The following COQ8B variants were observed in gnomAD, a reference collection of about 807,000 sequenced individuals.
COQ8B encodes the protein coenzyme Q8B, also known as atypical kinase COQ8B, mitochondrial.
COQ8B carries 44 observed loss-of-function variants against 62.0 expected under a neutral mutation model. The observed-to-expected ratio is 0.71, with a 90% CI of 0.56 to 0.91. COQ8B has a LOEUF of 0.91. COQ8B is among the 40% of genes least tolerant of loss of function. The probability of loss-of-function intolerance (pLI) is 0.00; values close to 1 mark genes in which losing one functional copy is unlikely to be tolerated. For synonymous variants in COQ8B, 252 were observed against 289.9 expected (o/e 0.87, Z 1.33); for missense variants, 649 against 731.6 (o/e 0.89, Z 1.30).
chr19:40,693,891 C>T (rs2081993442), intron 13 of COQ8B, among the ~76,000 whole-genome samples: 1 of 152,188 alleles, frequency 6.6e-6, no homozygotes, highest in Non-Finnish European at 1.5e-5. Flanking sequence ...CCACTCACTA[C>T]TGGGTTGCCC....
At chr19:40,699,125 C>CT (rs573613673) in intron 12 of COQ8B, among the ~76,000 whole-genome samples, 212 of 144,502 alleles carry the variant, frequency 1.5e-3, no homozygotes, top group Admixed American at 1.5e-3. Context: ...CTGGTCTCAG[C>CT]TTTTTTTTTT....
At chr19:40,714,758 A>G (rs752997981) in intron 1 of COQ8B, 123 bp from the exon 2 acceptor site, 39 of 1,291,116 alleles carry the variant, frequency 3.0e-5, no homozygotes, top group African/African-American at 4.6e-5. Flanking sequence ...CACTATTAAT[A>G]GATTCCCACA....
intron 10 of COQ8B, chr19:40,701,084 T>C (rs945448060): frequency 6.6e-6 from 1 of 152,288 alleles, no homozygotes; most frequent in African/African-American, 2.4e-5. Flanking sequence ...TCCCAGCAGT[T>C]TGAGACACCG....
At chr19:40,699,591 T>C (rs1243991181) in intron 12 of COQ8B, among the ~76,000 whole-genome samples, 1 of 152,164 alleles carries the variant, frequency 6.6e-6, no homozygotes, top group Admixed American at 6.5e-5. Flanking sequence ...ATGACGAGTG[T>C]GGTAGTGATG....
chr19:40,713,624 G>A (rs531687907), intron 4 of COQ8B, among the ~76,000 whole-genome samples: 6 of 151,450 alleles, frequency 4.0e-5, no homozygotes, highest in African/African-American at 1.2e-4. Context: ...GCTGTGGCAG[G>A]AGAATTGCTT....
Position 40,691,982 on chromosome 19 carries a change from G to C in COQ8B, c.*53C>G. The C allele has an allele frequency of 6.8e-7, 1 of 1,478,150 alleles. No homozygotes were observed. Among genetic ancestry groups the C allele is most frequent in the Non-Finnish European group, 9.1e-7 (1 of 1,103,176 alleles). The allele number at this position is 1,478,150 out of a possible 1,614,324, so 91.6% of individuals were successfully genotyped here. On this transcript the variant is annotated 3_prime_UTR_variant, in exon 15 of 15. Transcript: ENST00000324464. Reference sequence around the variant, plus strand: ...AGGGCAGACGGGGAAGGGATAAGAGGCACTACAGCAGGGTACGGCCTGCTC... The same window carrying C: ...AGGGCAGACGGGGAAGGGATAAGAGCCACTACAGCAGGGTACGGCCTGCTC...
At chr19:40,696,114 T>G in intron 12 of COQ8B, 60 bp from the exon 13 acceptor site, 1 of 1,569,574 alleles carries the variant, frequency 6.4e-7, no homozygotes, top group South Asian at 1.1e-5. Flanking sequence ...CACTGTCTAT[T>G]GGGGCAGCCA....
At chr19:40,694,441 C>T (rs983539036) in intron 13 of COQ8B, among the ~76,000 whole-genome samples, 5 of 152,210 alleles carry the variant, frequency 3.3e-5, no homozygotes, top group African/African-American at 1.2e-4. Flanking sequence ...CTCTAAAATC[C>T]GCAGTGATTT....
intron 4 of COQ8B, among the ~76,000 whole-genome samples, chr19:40,711,787 C>T (rs1254291564): frequency 6.6e-6 from 1 of 152,194 alleles, no homozygotes; most frequent in African/African-American, 2.4e-5. Context: ...TGTGCACTTA[C>T]TAATTTTTGT....
chr19:40,707,338 A>T (rs2082108366), intron 5 of COQ8B, among the ~76,000 whole-genome samples: 1 of 151,280 alleles, frequency 6.6e-6, no homozygotes, highest in Non-Finnish European at 1.5e-5. Context: ...CAATCTCCCC[A>T]GGCCTTGACA....
intron 13 of COQ8B, among the ~76,000 whole-genome samples, chr19:40,693,740 G>A (rs889100035): frequency 6.6e-6 from 1 of 152,202 alleles, no homozygotes; most frequent in Non-Finnish European, 1.5e-5. Context: ...AGAAGGTGAT[G>A]CCTGTGGCCT....
In COQ8B at chr19:40,700,353, G is replaced by T. The variant is rs2082051817; in HGVS notation, c.992C>A (p.Pro331His). The change falls in exon 11 of 15, where the codon CCC becomes CAC. Residue 331 changes from proline (P) to histidine (H), a missense_variant. Coordinates refer to ENST00000324464, the MANE Select transcript of COQ8B (RefSeq NM_024876.4). ...VLGMELAGGV[P>H]LDQCQGLSQD... ...GCTTAGGCCCTGGCACTGGTCCAGG[G>T]GGACCCCTCCAGCCAGCTCCATGCC... The T allele has an allele frequency of 6.2e-7, 1 of 1,614,080 alleles. No individual in the cohort carries two copies.
At chr19:40,698,473 G>A (rs960640127) in intron 12 of COQ8B, among the ~76,000 whole-genome samples, 1 of 151,932 alleles carries the variant, frequency 6.6e-6, no homozygotes, top group African/African-American at 2.4e-5. Context: ...CAGAGGCAGA[G>A]GCTTCAGTGA....
chr19:40,709,852 A>C (rs562287804), intron 5 of COQ8B, among the ~76,000 whole-genome samples: 8 of 152,316 alleles, frequency 5.3e-5, no homozygotes. Flanking sequence ...AAATTAAAAA[A>C]AAAAAATCTA....
intron 7 of COQ8B, 122 bp from the exon 8 acceptor site, chr19:40,703,977 C>T: frequency 1.6e-6 from 2 of 1,285,016 alleles, no homozygotes; most frequent in African/African-American, 1.5e-5. Context: ...CTCTTGGCTG[C>T]CACCCCCTTT....
chr19:40,713,943 T>G, intron 4 of COQ8B, 124 bp downstream of exon 4: 1 of 1,059,390 alleles, frequency 9.4e-7, no homozygotes, highest in Non-Finnish European at 1.4e-6. Flanking sequence ...GGCCCTTGCC[T>G]TTGTCTCTCT....
In COQ8B at chr19:40,714,352, GC is replaced by G. The variant is rs1188675632; in HGVS notation, c.147del (p.Pro50LeufsTer26). 2 of 1,614,096 alleles carry G rather than the reference GC, an allele frequency of 1.2e-6. No homozygotes were observed. The highest frequency in any genetic ancestry group is 1.1e-5 in the South Asian group (1 of 91,060). ...TCCTCCTCACCCAGGCCTCTCCCAG[GC>G]CCATCCTGGTAAAACTTTTGGGCCC... Reference protein sequence around the residue: ...GSWAQKFYQDGPGRGLGEEDI... With the variant: ...GSWAQKFYQDXPGRGLGEEDI... On this transcript the variant is annotated frameshift_variant, in exon 3 of 15. Coordinates refer to ENST00000324464, the MANE Select transcript of COQ8B (RefSeq NM_024876.4). LOFTEE classifies it high-confidence loss of function.
At chr19:40,697,356 C>T (rs1389616630) in intron 12 of COQ8B, among the ~76,000 whole-genome samples, 1 of 152,142 alleles carries the variant, frequency 6.6e-6, no homozygotes, top group Non-Finnish European at 1.5e-5. Context: ...TCCAGTGATC[C>T]TCCCACCTCA....
chr19:40,695,990 T>A lies in COQ8B; in HGVS notation c.1208A>T (p.Glu403Val). The A allele has an allele frequency of 2.5e-6, 4 of 1,614,178 alleles. No individual in the cohort carries two copies. The highest frequency in any genetic ancestry group is 1.1e-5 in the South Asian group (1 of 91,082). Reference sequence around the variant, plus strand: ...CCCTGGGGTCTGGGGGAGACTCACCTCGATGTAATGGTCTGTGAACTCTGT... The same window carrying A: ...CCCTGGGGTCTGGGGGAGACTCACCACGATGTAATGGTCTGTGAACTCTGT... ...FGTEFTDHYI[E>V]VVKAAADGDR... Residue 403 changes from glutamate to valine, a missense_variant and splice_region_variant, in exon 13 of 15, where the codon GAG becomes GTG. Transcript: ENST00000324464.
Sources: allele counts gnomAD v4.1 joint callset (sites outside exome capture counted in the v4.1 genomes callset), GRCh38; gene constraint gnomAD v4.1.1; transcripts MANE v1.5; gene names NCBI Gene and HGNC (gene_info 2026-07-23, HGNC 2026-07-21).